Variants in ZMPSTE24 observed in about 807,000 individuals in gnomAD.
ZMPSTE24 encodes the protein zinc metallopeptidase STE24.
Under a neutral mutation model 56.7 loss-of-function variants are expected in ZMPSTE24, and 48 were observed. The observed-to-expected ratio is 0.85, with a 90% CI of 0.67 to 1.08. The LOEUF (loss-of-function observed/expected upper bound fraction) is 1.08, where lower values mean the gene tolerates loss of function less well. Ranked by LOEUF, ZMPSTE24 falls within the 50% of genes least tolerant of loss-of-function variation. ZMPSTE24 has a pLI of 0.00. For synonymous variants in ZMPSTE24, 172 were observed against 195.2 expected (o/e 0.88, Z 0.99); for missense variants, 503 against 548.7 (o/e 0.92, Z 0.83).
At chr1:40,265,164 T>G (rs1198509227) in intron 2 of ZMPSTE24, among the ~76,000 whole-genome samples, 1 of 152,216 alleles carries the variant, frequency 6.6e-6, no homozygotes, top group Non-Finnish European at 1.5e-5. Flanking sequence ...GATGCTTATT[T>G]AAATACTGGA....
chr1:40,267,724 C>A, intron 2 of ZMPSTE24, 62 bp from the exon 3 acceptor site: 1 of 1,261,442 alleles, frequency 7.9e-7, no homozygotes, highest in Non-Finnish European at 1.2e-6. Flanking sequence ...TTATACCATG[C>A]TTTCTCATAT....
chr1:40,273,316 G>A (rs894009853), intron 6 of ZMPSTE24, among the ~76,000 whole-genome samples: 5 of 151,750 alleles, frequency 3.3e-5, no homozygotes, highest in Admixed American at 6.6e-5. Flanking sequence ...TCAGGCGTTC[G>A]AGACCAGCCT....
intron 6 of ZMPSTE24, among the ~76,000 whole-genome samples, chr1:40,277,840 G>T (rs182430613): frequency 6.6e-6 from 1 of 151,374 alleles, no homozygotes. Flanking sequence ...GTGGTGGCGT[G>T]TGCATGTAAT....
At chr1:40,266,146 A>G (rs1336902497) in intron 2 of ZMPSTE24, among the ~76,000 whole-genome samples, 1 of 152,246 alleles carries the variant, frequency 6.6e-6, no homozygotes, top group Non-Finnish European at 1.5e-5. Context: ...CTTTAAAAGC[A>G]TACATAAATC....
chr1:40,292,562 G>A lies in ZMPSTE24; in HGVS notation c.1321G>A (p.Asp441Asn), dbSNP rs1643854737. ...TTCTGCTTTAATCAAACTTAACAAA[G>A]ATAACTTGGGATTCCCTGTTTCTGA... Reference protein sequence around the residue: ...LYSALIKLNKDNLGFPVSDWL... With the variant: ...LYSALIKLNKNNLGFPVSDWL... Residue 441 changes from aspartate (D) to asparagine (N), a missense_variant, in exon 10 of 10, where the codon GAT becomes AAT. Asp to Asn is a conservative substitution (Grantham distance 23, BLOSUM62 1). Transcript: ENST00000372759. 1 of 1,613,964 alleles carries A rather than the reference G, an allele frequency of 6.2e-7. No homozygotes were observed. Among genetic ancestry groups the A allele is most frequent in the Non-Finnish European group, 8.5e-7 (1 of 1,179,990 alleles).
At position 40,292,772 on chromosome 1, in the gene ZMPSTE24, G is replaced by A. The variant is rs1445096076; in HGVS notation, c.*103G>A. On this transcript the variant is annotated 3_prime_UTR_variant, in exon 10 of 10. Transcript: ENST00000372759. Reference sequence around the variant, plus strand: ...AACTTTTTTTTAGAAGAAAAATTAAGTACAGAAAAGCCCAGATTTAAATAC... The same window carrying A: ...AACTTTTTTTTAGAAGAAAAATTAAATACAGAAAAGCCCAGATTTAAATAC... 3.0e-6 allele frequency: 3 copies of A among 988,492 alleles called. No individual in the cohort carries two copies. Among genetic ancestry groups the A allele is most frequent in the Non-Finnish European group, 4.6e-6 (3 of 646,394 alleles). 61.2% of individuals were successfully genotyped at this position (988,492 alleles called of 1,614,324 possible). A position where few individuals can be genotyped will look rare whatever the true frequency, so the allele number is the denominator to read the frequency against.
intron 6 of ZMPSTE24, among the ~76,000 whole-genome samples, chr1:40,279,239 A>G (rs1643702926): frequency 6.6e-6 from 1 of 152,238 alleles, no homozygotes. Flanking sequence ...AAGAAAGGAA[A>G]CAAAAATCTA....
chr1:40,291,725 A>G (rs943575001), intron 9 of ZMPSTE24, among the ~76,000 whole-genome samples: 5 of 152,152 alleles, frequency 3.3e-5, no homozygotes, highest in Admixed American at 3.3e-4. Context: ...TCTATTATGT[A>G]TGGTGGGGAC....
At chr1:40,267,336 T>TAAA (rs1643560379) in intron 2 of ZMPSTE24, among the ~76,000 whole-genome samples, 1 of 62,636 alleles carries the variant, frequency 1.6e-5, no homozygotes, top group Non-Finnish European at 3.0e-5. Context: ...TATTTTGTTA[T>TAAA]TTTATTTTAT....
At chr1:40,278,335 T>C (rs1643691025) in intron 6 of ZMPSTE24, among the ~76,000 whole-genome samples, 1 of 151,904 alleles carries the variant, frequency 6.6e-6, no homozygotes, top group East Asian at 1.9e-4. Flanking sequence ...GAATATCTCG[T>C]GTAACGAGGT....
rs144276942 is a variant in ZMPSTE24 at position 40,277,288 on chromosome 1, G to A, written c.770-4055G>A. 2.1e-3 allele frequency among the ~76,000 whole-genome samples: 327 copies of A among 152,104 alleles called. 3 individuals are homozygous for A. Among genetic ancestry groups the A allele is most frequent in the African/African-American group, 7.4e-3 (308 of 41,510 alleles). On this transcript the variant is annotated intron_variant, in intron 6 of 9. Coordinates refer to ENST00000372759, the MANE Select transcript of ZMPSTE24 (RefSeq NM_005857.5). The stretch of plus-strand genomic sequence containing the variant: ...TTTTTAGTAGAGACAAGGTTTCACC[G>A]TGTTAGCCAGGATGGTCTCGATCTC...
intron 2 of ZMPSTE24, among the ~76,000 whole-genome samples, chr1:40,262,379 C>T (rs1460045431): frequency 6.6e-6 from 1 of 152,198 alleles, no homozygotes; most frequent in African/African-American, 2.4e-5. Context: ...TGGGGATACA[C>T]AGCTATTGCT....
At position 40,294,070 on chromosome 1, in the gene ZMPSTE24, C is replaced by T. The variant is rs1337160722; in HGVS notation, c.*1401C>T. On this transcript the variant is annotated 3_prime_UTR_variant, in exon 10 of 10. Transcript: ENST00000372759. ...CAGTCCTATGCTTTTATTCAGCATC[C>T]TTTATCTGTGACTTCATGCTCTGAT... is the stretch of plus-strand genomic sequence containing the variant. 2 of 152,674 alleles carry T rather than the reference C, an allele frequency of 1.3e-5. No individual in the cohort carries two copies. The highest frequency in any genetic ancestry group is 2.9e-5 in the Non-Finnish European group (2 of 68,052). 9.5% of individuals were successfully genotyped at this position (152,674 alleles called of 1,614,324 possible). A position where few individuals can be genotyped will look rare whatever the true frequency, so the allele number is the denominator to read the frequency against.
intron 2 of ZMPSTE24, among the ~76,000 whole-genome samples, chr1:40,261,791 T>C (rs1643500303): frequency 6.6e-6 from 1 of 152,084 alleles, no homozygotes; most frequent in African/African-American, 2.4e-5. Flanking sequence ...CTCACTGCAA[T>C]CTCCACCTCC....
Position 40,260,894 on chromosome 1 carries a change from A to G in ZMPSTE24, c.179A>G (p.Asp60Gly), listed in dbSNP as rs748610048. 20 of 1,614,034 alleles carry G rather than the reference A, an allele frequency of 1.2e-5. No individual in the cohort carries two copies. Among genetic ancestry groups the G allele is most frequent in the Middle Eastern group, 3.3e-4 (2 of 6,082 alleles). The change falls in exon 2 of 10, where the codon GAT becomes GGT. Residue 60 changes from aspartate to glycine, a missense_variant. By Grantham distance (94) the Asp-to-Gly change is moderately conservative (BLOSUM62 -1). Coordinates refer to ENST00000372759, the MANE Select transcript of ZMPSTE24 (RefSeq NM_005857.5). ...HVPPELGQIM[D>G]SETFEKSRLY... ...CCACCGGAGTTAGGACAGATCATGG[A>G]TTCTGAAACATTTGAGAAATCTCGA...
intron 2 of ZMPSTE24, chr1:40,262,997 T>C (rs1643514200): frequency 1.0e-6 from 1 of 994,352 alleles, no homozygotes; most frequent in East Asian, 1.1e-4. Context: ...GACACTATTC[T>C]CTTTCTGATG....
intron 6 of ZMPSTE24, among the ~76,000 whole-genome samples, chr1:40,280,689 G>T (rs1373862010): frequency 6.6e-6 from 1 of 152,206 alleles, no homozygotes; most frequent in African/African-American, 2.4e-5. Flanking sequence ...GCCTCCCAAA[G>T]TGCTGGGATT....
At chr1:40,268,643 G>A in intron 4 of ZMPSTE24, 108 bp downstream of exon 4, 3 of 773,574 alleles carry the variant, frequency 3.9e-6, no homozygotes, top group Non-Finnish European at 6.1e-6. Flanking sequence ...AGTATGAATT[G>A]AGAAAAAAGG....
At position 40,290,881 on chromosome 1, in the gene ZMPSTE24, T is replaced by G. The variant is rs781037801; in HGVS notation, c.1087T>G (p.Phe363Val). ...QMNSFLCFFL[F>V]AVLIGRKELF... Reference sequence around the variant, plus strand: ...GAATTCTTTCCTGTGTTTTTTTTTATTTGCTGTATTAATTGGTCGAAAGGA... The same window carrying G: ...GAATTCTTTCCTGTGTTTTTTTTTAGTTGCTGTATTAATTGGTCGAAAGGA... Residue 363 changes from phenylalanine (F) to valine (V), a missense_variant, in exon 9 of 10, where the codon TTT (phenylalanine) becomes GTT (valine). Transcript: ENST00000372759. 2 of 1,614,070 alleles carry G rather than the reference T, an allele frequency of 1.2e-6. No homozygotes were observed. Among genetic ancestry groups the G allele is most frequent in the Non-Finnish European group, 1.7e-6 (2 of 1,179,986 alleles).
Sources: allele counts gnomAD v4.1 joint callset (sites outside exome capture counted in the v4.1 genomes callset), GRCh38; gene constraint gnomAD v4.1.1; transcripts MANE v1.5; gene names NCBI Gene and HGNC (gene_info 2026-07-23, HGNC 2026-07-21).